The following TRPM6 variants were observed in gnomAD, a reference collection of about 807,000 sequenced individuals.
The protein encoded by TRPM6 is transient receptor potential cation channel subfamily M member 6, also known as channel kinase 2.
TRPM6 carries 111 observed loss-of-function variants against 247.6 expected under a neutral mutation model. That is an observed-to-expected ratio of 0.45 (90% CI 0.38 to 0.52). The LOEUF (loss-of-function observed/expected upper bound fraction) is 0.52, where lower values mean the gene tolerates loss of function less well. Ranked by LOEUF, TRPM6 falls within the 20% of genes least tolerant of loss-of-function variation. The pLI is 0.00. For synonymous variants in TRPM6, 892 were observed against 853.8 expected (o/e 1.04, Z -0.78); for missense variants, 2,126 against 2,421.5 (o/e 0.88, Z 2.56).
intron 18 of TRPM6, among the ~76,000 whole-genome samples, chr9:74,795,069 C>T (rs866087657): frequency 2.6e-5 from 4 of 152,054 alleles, no homozygotes; most frequent in African/African-American, 7.2e-5. Flanking sequence ...TGTCTAAGAC[C>T]GAGCTCATCT....
intron 1 of TRPM6, among the ~76,000 whole-genome samples, chr9:74,866,974 T>G (rs563428766): frequency 3.9e-5 from 6 of 152,254 alleles, no homozygotes; most frequent in African/African-American, 1.2e-4. Flanking sequence ...TTTAACCTGT[T>G]ACATGCTAAC....
intron 2 of TRPM6, 128 bp from the exon 3 acceptor site, chr9:74,855,693 T>C: frequency 1.4e-6 from 1 of 719,406 alleles, no homozygotes; most frequent in Non-Finnish European, 2.5e-6. Context: ...TCATATATCA[T>C]GTTCCAAATA....
chr9:74,771,427 A>G (rs1827033993), intron 25 of TRPM6, among the ~76,000 whole-genome samples: 1 of 151,350 alleles, frequency 6.6e-6, no homozygotes, highest in Non-Finnish European at 1.5e-5. Context: ...ATGCGCACAC[A>G]CACACACGCG....
intron 3 of TRPM6, among the ~76,000 whole-genome samples, chr9:74,846,705 C>T (rs1830120624): frequency 6.6e-6 from 1 of 152,004 alleles, no homozygotes; most frequent in African/African-American, 2.4e-5. Context: ...TGTCACCACG[C>T]CTGGATAACT....
intron 1 of TRPM6, chr9:74,887,491 T>A: frequency 9.3e-7 from 1 of 1,074,648 alleles, no homozygotes; most frequent in Non-Finnish European, 1.3e-6. Context: ...AGCTGCCTCC[T>A]CTCCCGGGGT....
chr9:74,886,923 C>T (rs1405752970), intron 1 of TRPM6, among the ~76,000 whole-genome samples: 1 of 152,194 alleles, frequency 6.6e-6, no homozygotes, highest in Non-Finnish European at 1.5e-5. Flanking sequence ...AATGAGCTAA[C>T]GTTTGCTAAG....
At chr9:74,855,442 C>T in intron 3 of TRPM6, 85 bp downstream of exon 3, 1 of 941,326 alleles carries the variant, frequency 1.1e-6, no homozygotes, top group Non-Finnish European at 1.8e-6. Flanking sequence ...TTACTGAGTA[C>T]ATTCAAGATA....
intron 14 of TRPM6, among the ~76,000 whole-genome samples, chr9:74,806,323 AC>A (rs1347692863): frequency 1.3e-5 from 2 of 151,882 alleles, no homozygotes; most frequent in Non-Finnish European, 2.9e-5. Context: ...ACTGGATCTC[AC>A]CGTGTTGCCC....
chr9:74,782,432 G>C lies in TRPM6; in HGVS notation c.3139C>G (p.Pro1047Ala), dbSNP rs1228546410. Residue 1047 changes from proline (P) to alanine (A), a missense_variant, in exon 23 of 39, where the codon CCA becomes GCA. By Grantham distance (27) the Pro-to-Ala change is conservative. Transcript: ENST00000360774. ...PSCPPGSFLT[P>A]FLQAVYLFVQ... ...AAGAGGTAGACAGCTTGCAAGAATGGAGTAAGAAAAGAACCAGGAGGGCAG... is the reference window on the plus strand; with the variant it reads ...AAGAGGTAGACAGCTTGCAAGAATGCAGTAAGAAAAGAACCAGGAGGGCAG... The C allele has an allele frequency of 1.2e-6, 2 of 1,614,062 alleles. No individual in the cohort carries two copies. Among genetic ancestry groups the C allele is most frequent in the Non-Finnish European group, 8.5e-7 (1 of 1,180,016 alleles).
At chr9:74,751,813 C>T (rs1226868311) in intron 29 of TRPM6, among the ~76,000 whole-genome samples, 8 of 152,178 alleles carry the variant, frequency 5.3e-5, no homozygotes, top group Admixed American at 5.2e-4. Flanking sequence ...CTCACTACTT[C>T]CAGAAATAAA....
In TRPM6 at chr9:74,728,437, A is replaced by G. The variant is rs945314210; in HGVS notation, c.5829-92T>C. 26 of 896,614 alleles carry G rather than the reference A, an allele frequency of 2.9e-5. No homozygotes were observed. In the Admixed American group the frequency reaches 3.7e-4, roughly 13 times the overall value. The allele number at this position is 896,614 out of a possible 1,614,324, so 55.5% of individuals were successfully genotyped here. A position where few individuals can be genotyped will look rare whatever the true frequency, so the allele number is the denominator to read the frequency against. On this transcript the variant is annotated intron_variant, in intron 37 of 38. Transcript: ENST00000360774. ...GAGATACCGAACAGTATCCCATAGT[A>G]ACCCAGTAAACTTGAAGGAGCCAAC...
chr9:74,832,877 C>G (rs577149370), intron 6 of TRPM6, among the ~76,000 whole-genome samples: 3 of 151,908 alleles, frequency 2.0e-5, no homozygotes, highest in African/African-American at 4.8e-5. Flanking sequence ...ATGGTGAAAC[C>G]CTGTCTCTAC....
At chr9:74,856,151 T>C (rs867881876) in intron 2 of TRPM6, among the ~76,000 whole-genome samples, 2 of 152,268 alleles carry the variant, frequency 1.3e-5, no homozygotes, top group African/African-American at 2.4e-5. Flanking sequence ...ATCAGTTATA[T>C]TTTTGGGCCA....
intron 7 of TRPM6, among the ~76,000 whole-genome samples, chr9:74,827,365 G>C (rs982279285): frequency 6.6e-6 from 1 of 151,820 alleles, no homozygotes; most frequent in African/African-American, 2.4e-5. Flanking sequence ...TTCTGGCTTC[G>C]GGTTCCCTAT....
At chr9:74,809,858 T>C (rs1399171683) in intron 13 of TRPM6, among the ~76,000 whole-genome samples, 1 of 151,114 alleles carries the variant, frequency 6.6e-6, no homozygotes, top group African/African-American at 2.4e-5. Flanking sequence ...CAGGCATCTG[T>C]AGTCCCAGCT....
At chr9:74,833,323 G>C (rs1436980037) in intron 6 of TRPM6, among the ~76,000 whole-genome samples, 1 of 152,102 alleles carries the variant, frequency 6.6e-6, no homozygotes, top group African/African-American at 2.4e-5. Flanking sequence ...AATTATATTA[G>C]TCTTACAAAG....
intron 1 of TRPM6, among the ~76,000 whole-genome samples, chr9:74,864,394 G>A (rs1215891346): frequency 6.6e-6 from 1 of 152,136 alleles, no homozygotes; most frequent in Admixed American, 6.5e-5. Flanking sequence ...TCAGCTCAGG[G>A]CCTTCTATCT....
chr9:74,833,050 C>T (rs1238019470), intron 6 of TRPM6, among the ~76,000 whole-genome samples: 1 of 143,270 alleles, frequency 7.0e-6, no homozygotes, highest in Admixed American at 7.0e-5. Context: ...GACTCCGTCT[C>T]AGGAAAAAAA....
At chr9:74,741,613 A>G (rs1825865997) in intron 33 of TRPM6, among the ~76,000 whole-genome samples, 1 of 152,076 alleles carries the variant, frequency 6.6e-6, no homozygotes, top group Non-Finnish European at 1.5e-5. Context: ...ATCAGAAGCC[A>G]GGCCGGTGCG....
Sources: gnomAD v4.1 joint callset for allele counts (sites outside exome capture counted in the v4.1 genomes callset) on GRCh38, gnomAD v4.1.1 for gene constraint, MANE v1.5 for transcripts, NCBI Gene and HGNC (gene_info 2026-07-23, HGNC 2026-07-21) for gene names.